Variants in ADAM18 observed in about 807,000 individuals in gnomAD.
ADAM18 encodes the protein disintegrin and metalloproteinase domain-containing protein 18.
Under a neutral mutation model 94.4 loss-of-function variants are expected in ADAM18, and 117 were observed. That is an observed-to-expected ratio of 1.24 (90% CI 1.07 to 1.45). The LOEUF is 1.45. Among genes scored for constraint, ADAM18 ranks in the 40% most tolerant of loss-of-function variants. ADAM18 has a pLI of 0.00. For missense variants in ADAM18, 936 were observed against 880.0 expected (o/e 1.06, Z -0.81); for synonymous variants, 327 against 291.6 (o/e 1.12, Z -1.24).
chr8:39,586,443 A>G (rs1818393840), intron 2 of ADAM18, among the ~76,000 whole-genome samples: 1 of 152,158 alleles, frequency 6.6e-6, no homozygotes. Flanking sequence ...TTGAAGAATT[A>G]TTTGCATAAG....
chr8:39,701,357 G>T (rs1378663196), intron 17 of ADAM18, among the ~76,000 whole-genome samples: 3 of 151,216 alleles, frequency 2.0e-5, no homozygotes, highest in Admixed American at 6.6e-5. Flanking sequence ...TTTTTAATAC[G>T]TTGTGATAAT....
chr8:39,585,485 C>A (rs1476735184), intron 2 of ADAM18, 133 bp downstream of exon 2: 1 of 662,842 alleles, frequency 1.5e-6, no homozygotes, highest in African/African-American at 1.9e-5. Context: ...ATTTTGTCTC[C>A]TACCGTGTTT....
intron 10 of ADAM18, among the ~76,000 whole-genome samples, chr8:39,643,175 T>C (rs1820280779): frequency 6.6e-6 from 1 of 152,142 alleles, no homozygotes; most frequent in African/African-American, 2.4e-5. Context: ...GTTTAAGACG[T>C]ATTTGGGATG....
intron 6 of ADAM18, among the ~76,000 whole-genome samples, chr8:39,628,832 T>A (rs1819847302): frequency 6.6e-6 from 1 of 152,050 alleles, no homozygotes; most frequent in Non-Finnish European, 1.5e-5. Flanking sequence ...TCAGAAATAA[T>A]TCAATAGGTC....
At chr8:39,628,036 A>T (rs1463734906) in intron 6 of ADAM18, among the ~76,000 whole-genome samples, 1 of 152,092 alleles carries the variant, frequency 6.6e-6, no homozygotes, top group Non-Finnish European at 1.5e-5. Flanking sequence ...ACTAAAGATG[A>T]ATGTCAACAC....
chr8:39,650,393 A>C lies in ADAM18; in HGVS notation c.1230+1866A>C, dbSNP rs1203974461. 2.6e-5 allele frequency among the ~76,000 whole-genome samples: 4 copies of C among 152,204 alleles called. No homozygotes were observed. In the South Asian group the frequency reaches 6.2e-4, roughly 24 times the overall value. The stretch of plus-strand genomic sequence containing the variant: ...CAGATGACTTGATCATATATATAGA[A>C]AACCCTAGTGTCCAACAAAAATTTA... On this transcript the variant is annotated intron_variant, in intron 12 of 19. Coordinates refer to ENST00000265707, the MANE Select transcript of ADAM18 (RefSeq NM_014237.3).
At chr8:39,638,882 G>T (rs1820159795) in intron 10 of ADAM18, among the ~76,000 whole-genome samples, 1 of 151,674 alleles carries the variant, frequency 6.6e-6, no homozygotes, top group Non-Finnish European at 1.5e-5. Context: ...TCAATAAATA[G>T]CAAAAATCAT....
intron 14 of ADAM18, among the ~76,000 whole-genome samples, chr8:39,671,423 G>A (rs866501047): frequency 5.9e-5 from 9 of 152,186 alleles, no homozygotes; most frequent in Admixed American, 2.6e-4. Flanking sequence ...AAAGCAAAGC[G>A]TGAGTCTAGA....
intron 17 of ADAM18, among the ~76,000 whole-genome samples, chr8:39,699,600 T>A (rs1822009877): frequency 6.6e-6 from 1 of 151,906 alleles, no homozygotes; most frequent in Non-Finnish European, 1.5e-5. Flanking sequence ...TATGAGATGT[T>A]TTATGATCTT....
rs145231838 is a variant in ADAM18 at position 39,697,939 on chromosome 8, G to A, written c.1902+5259G>A. ...CTCAAGTGTAGTTTTCATCATACTC[G>A]TAACTTACAGAGCTACTGGATTCTA... On this transcript the variant is annotated intron_variant, in intron 17 of 19. Coordinates refer to ENST00000265707, the MANE Select transcript of ADAM18 (RefSeq NM_014237.3). Among the ~76,000 whole-genome samples the A allele has an allele frequency of 1.1e-3, 166 of 151,744 alleles. 1 individual carries two copies. The highest frequency in any genetic ancestry group is 3.8e-3 in the African/African-American group (156 of 41,472).
chr8:39,719,002 CT>C (rs1439249227), intron 18 of ADAM18, among the ~76,000 whole-genome samples: 2 of 150,932 alleles, frequency 1.3e-5, no homozygotes, highest in African/African-American at 4.9e-5. Flanking sequence ...GATTGTAAAC[CT>C]TATTGTAAAA....
chr8:39,681,447 A>G (rs369080962), intron 16 of ADAM18, among the ~76,000 whole-genome samples: 1 of 152,172 alleles, frequency 6.6e-6, no homozygotes, highest in Non-Finnish European at 1.5e-5. Context: ...CCCAGATAAG[A>G]TGTGCTTGAA....
intron 6 of ADAM18, chr8:39,611,681 A>T: frequency 2.5e-6 from 2 of 794,538 alleles, no homozygotes; most frequent in Non-Finnish European, 3.0e-6. Context: ...TTTTTATGGA[A>T]TACATCAAAA....
intron 6 of ADAM18, chr8:39,611,471 C>T (rs1482270401): frequency 9.1e-6 from 9 of 984,744 alleles, no homozygotes; most frequent in Admixed American, 1.2e-4. Context: ...TGTATGGTTC[C>T]TAGAGACTTC....
chr8:39,618,559 G>A (rs1409207252), intron 6 of ADAM18, among the ~76,000 whole-genome samples: 1 of 152,158 alleles, frequency 6.6e-6, no homozygotes, highest in African/African-American at 2.4e-5. Flanking sequence ...AGTAACAGTT[G>A]CAGCAAAAGC....
At chr8:39,707,338 C>T (rs568938657) in intron 18 of ADAM18, among the ~76,000 whole-genome samples, 2 of 152,300 alleles carry the variant, frequency 1.3e-5, no homozygotes, top group African/African-American at 4.8e-5. Context: ...CCATCTCTTA[C>T]TTGCAATAAA....
At chr8:39,646,407 A>G (rs1431813236) in intron 11 of ADAM18, among the ~76,000 whole-genome samples, 1 of 152,204 alleles carries the variant, frequency 6.6e-6, no homozygotes, top group East Asian at 1.9e-4. Flanking sequence ...TAATCAGGTG[A>G]AATTAATTGT....
intron 2 of ADAM18, among the ~76,000 whole-genome samples, chr8:39,593,062 CT>C (rs1818623955): frequency 6.6e-6 from 1 of 152,170 alleles, no homozygotes; most frequent in Non-Finnish European, 1.5e-5. Flanking sequence ...GAGATATCTT[CT>C]TAAATCTCAT....
chr8:39,698,034 CTATT>C (rs1554513901), intron 17 of ADAM18, among the ~76,000 whole-genome samples: 1 of 151,764 alleles, frequency 6.6e-6, no homozygotes, highest in Non-Finnish European at 1.5e-5. Context: ...TCTATATTCT[CTATT>C]TAATCCTTTT....
Sources: allele counts gnomAD v4.1 joint callset (sites outside exome capture counted in the v4.1 genomes callset), GRCh38; gene constraint gnomAD v4.1.1; transcripts MANE v1.5; gene names NCBI Gene and HGNC (gene_info 2026-07-23, HGNC 2026-07-21).